TAOK1: variants seen among roughly 807,000 people sequenced by gnomAD.
TAOK1 encodes the protein TAO kinase 1, also known as serine/threonine-protein kinase TAO1.
In TAOK1, 21 loss-of-function variants were observed where a neutral mutation model predicts 138.3. That is an observed-to-expected ratio of 0.15 (90% confidence interval 0.11 to 0.22). The LOEUF (loss-of-function observed/expected upper bound fraction) is 0.22, where lower values mean the gene tolerates loss of function less well. TAOK1 is among the 10% of genes least tolerant of loss of function. The pLI is 1.00. For missense variants in TAOK1, 651 were observed against 1,227.7 expected, an observed-to-expected ratio of 0.53 and a Z score of 7.02; for synonymous variants, 361 against 398.4, an observed-to-expected ratio of 0.91 and a Z score of 1.12.
chr17:29,439,492 C>G (rs953863957), intron 1 of TAOK1, among the ~76,000 whole-genome samples: 1 of 152,148 alleles, frequency 6.6e-6, no homozygotes, highest in Non-Finnish European at 1.5e-5. Context: ...CATGAGCCAC[C>G]GTGCCCAGCC....
chr17:29,520,917 G>C (rs35893904), intron 16 of TAOK1, among the ~76,000 whole-genome samples: 1 of 151,648 alleles, frequency 6.6e-6, no homozygotes. Flanking sequence ...CCAGCTACTC[G>C]GGAGGCTGAG....
chr17:29,499,338 C>A (rs910941050), intron 12 of TAOK1, among the ~76,000 whole-genome samples: 2 of 150,276 alleles, frequency 1.3e-5, no homozygotes, highest in African/African-American at 2.4e-5. Context: ...TTCAAGCGAT[C>A]CTCCTGCCTC....
intron 1 of TAOK1, among the ~76,000 whole-genome samples, chr17:29,442,536 A>G (rs1017276596): frequency 1.3e-5 from 2 of 151,734 alleles, no homozygotes; most frequent in Non-Finnish European, 2.9e-5. Flanking sequence ...AGAATGCTTT[A>G]TGTATTGTGG....
rs542115253 is a variant in TAOK1 at position 29,550,368 on chromosome 17, T to C, written c.*7346T>C. On this transcript the variant is annotated 3_prime_UTR_variant, in exon 20 of 20. Transcript: ENST00000261716. ...TTAGAGTTTTTTTAATTAACACTTG[T>C]GTTGCTAAATTCTATTTATGTAAGT... 6.6e-6 allele frequency: 1 copy of C among 152,360 alleles called. No individual in the cohort carries two copies. The highest frequency in any genetic ancestry group is 2.1e-4 in the South Asian group (1 of 4,832). The allele number at this position is 152,360 out of a possible 1,614,324, so 9.4% of individuals were successfully genotyped here. A position where few individuals can be genotyped will look rare whatever the true frequency, so the allele number is the denominator to read the frequency against.
intron 1 of TAOK1, among the ~76,000 whole-genome samples, chr17:29,426,600 G>A (rs6505129): frequency 0.65 from 98,166 of 152,074 alleles, 33,566 homozygotes; most frequent in East Asian, 0.97. Flanking sequence ...ACTGAAATTC[G>A]GTCTGTGCTC....
intron 1 of TAOK1, among the ~76,000 whole-genome samples, chr17:29,409,699 T>C (rs1190907867): frequency 1.3e-5 from 2 of 152,212 alleles, no homozygotes; most frequent in African/African-American, 4.8e-5. Context: ...GGATTATTTT[T>C]GATTTGTTTA....
chr17:29,538,066 C>T (rs1376159363), intron 19 of TAOK1, among the ~76,000 whole-genome samples: 2 of 145,710 alleles, frequency 1.4e-5, no homozygotes, highest in Non-Finnish European at 3.0e-5. Context: ...GAGCTGAGAT[C>T]ACGCCACTGC....
Position 29,466,795 on chromosome 17 carries a change from G to A in TAOK1, c.133-350G>A, listed in dbSNP as rs558180547. Among the ~76,000 whole-genome samples, 8 of 109,260 alleles carry A rather than the reference G, an allele frequency of 7.3e-5. No individual in the cohort carries two copies. The South Asian group carries it at 2.1e-3, about 29-fold the overall frequency. The allele number at this position is 109,260 out of a possible 152,430, so 71.7% of individuals were successfully genotyped here. A position where few individuals can be genotyped will look rare whatever the true frequency, so the allele number is the denominator to read the frequency against. The stretch of plus-strand genomic sequence containing the variant: ...GTAATTTATTCTTTCTTAAAAAGTT[G>A]TCTGTTTCATTGAGATTTCAAACTT... On this transcript the variant is annotated intron_variant, in intron 2 of 19. Transcript: ENST00000261716.
intron 2 of TAOK1, among the ~76,000 whole-genome samples, chr17:29,453,892 C>T (rs1290188226): frequency 2.0e-5 from 3 of 151,208 alleles, no homozygotes; most frequent in African/African-American, 7.3e-5. Flanking sequence ...ACTACGTCCT[C>T]AGCCTCCGTG....
intron 15 of TAOK1, among the ~76,000 whole-genome samples, chr17:29,515,515 T>G (rs1355928018): frequency 2.6e-5 from 4 of 152,126 alleles, no homozygotes. Flanking sequence ...TATCTCTCTT[T>G]CCTTTCCGAT....
intron 8 of TAOK1, among the ~76,000 whole-genome samples, chr17:29,483,434 T>C (rs947121167): frequency 2.6e-5 from 4 of 152,172 alleles, no homozygotes; most frequent in African/African-American, 9.7e-5. Context: ...AAGTAAAATC[T>C]GTTGGTAATT....
intron 1 of TAOK1, among the ~76,000 whole-genome samples, chr17:29,434,495 A>C (rs1418004749): frequency 6.6e-6 from 1 of 152,066 alleles, no homozygotes; most frequent in Non-Finnish European, 1.5e-5. Flanking sequence ...GAGAGGAAAG[A>C]GTGTCCTCTT....
chr17:29,536,300 A>G (rs2032220482), intron 19 of TAOK1, among the ~76,000 whole-genome samples: 1 of 151,102 alleles, frequency 6.6e-6, no homozygotes, highest in African/African-American at 2.4e-5. Context: ...CTCTGTCTCA[A>G]AAAATAAGAT....
intron 1 of TAOK1, among the ~76,000 whole-genome samples, chr17:29,429,183 T>C (rs1032504180): frequency 6.6e-6 from 1 of 152,208 alleles, no homozygotes; most frequent in Admixed American, 6.5e-5. Context: ...AGCTTTAGAA[T>C]TTTAAAATAA....
At chr17:29,536,919 C>G (rs938924092) in intron 19 of TAOK1, among the ~76,000 whole-genome samples, 29 of 152,044 alleles carry the variant, frequency 1.9e-4, no homozygotes, top group African/African-American at 5.8e-4. Context: ...CCAGGATGGT[C>G]TCGATCTCCT....
chr17:29,495,030 G>A (rs2031385839), intron 10 of TAOK1, among the ~76,000 whole-genome samples: 1 of 151,984 alleles, frequency 6.6e-6, no homozygotes, highest in South Asian at 2.1e-4. Flanking sequence ...ATTTGATAAG[G>A]TGAAATTATA....
At chr17:29,538,603 G>C (rs1034132704) in intron 19 of TAOK1, among the ~76,000 whole-genome samples, 12 of 152,270 alleles carry the variant, frequency 7.9e-5, no homozygotes, top group South Asian at 4.1e-4. Context: ...ATAAGAAGGA[G>C]ACATCTGAAA....
At chr17:29,526,411 C>G (rs1231873848) in intron 17 of TAOK1, among the ~76,000 whole-genome samples, 1 of 152,092 alleles carries the variant, frequency 6.6e-6, no homozygotes, top group African/African-American at 2.4e-5. Context: ...CTTTGTTAAC[C>G]ATGAATGGTT....
chr17:29,445,917 A>G (rs1026295777), intron 1 of TAOK1, among the ~76,000 whole-genome samples: 1 of 152,184 alleles, frequency 6.6e-6, no homozygotes, highest in Non-Finnish European at 1.5e-5. Flanking sequence ...AAATTTGATA[A>G]TGAAACTGTC....
Sources: gnomAD v4.1 joint callset for allele counts (sites outside exome capture counted in the v4.1 genomes callset) on GRCh38, gnomAD v4.1.1 for gene constraint, MANE v1.5 for transcripts, NCBI Gene and HGNC (gene_info 2026-07-23, HGNC 2026-07-21) for gene names.